Variants in CROCC2 observed in about 807,000 individuals in gnomAD.
CROCC2 encodes ciliary rootlet coiled-coil, rootletin family member 2.
In CROCC2, 163 loss-of-function variants were observed where a neutral mutation model predicts 177.6. The observed-to-expected ratio is 0.92, with a 90% CI of 0.81 to 1.05. The LOEUF is 1.05. CROCC2 is among the 50% of genes least tolerant of loss of function. The pLI is 0.00. For synonymous variants in CROCC2, 904 were observed against 787.3 expected, an observed-to-expected ratio of 1.15 and a Z score of -2.48; for missense variants, 1,929 against 1,797.8, an observed-to-expected ratio of 1.07 and a Z score of -1.32.
chr2:240,943,842 C>G (rs542313197), intron 14 of CROCC2, among the ~76,000 whole-genome samples: 9 of 152,208 alleles, frequency 5.9e-5, no homozygotes, highest in Non-Finnish European at 1.0e-4. Flanking sequence ...TGGCAGATAC[C>G]TCAAAGGGGA....
intron 19 of CROCC2, among the ~76,000 whole-genome samples, chr2:240,956,718 G>A (rs6757227): frequency 6.6e-6 from 1 of 150,430 alleles, no homozygotes; most frequent in Non-Finnish European, 1.5e-5. Context: ...TGGGGAGCAG[G>A]GGAGGAGGAC....
In CROCC2 at chr2:240,932,858, G is replaced by A. The variant is rs922598829; in HGVS notation, c.1201G>A (p.Ala401Thr). 258 of 1,546,312 alleles carry A rather than the reference G, an allele frequency of 1.7e-4. No individual in the cohort carries two copies. The highest frequency in any genetic ancestry group is 2.0e-4 in the Non-Finnish European group (224 of 1,145,386). Residue 401 changes from alanine (A) to threonine (T), a missense_variant, in exon 9 of 32, where the codon GCA (alanine) becomes ACA (threonine). Transcript: ENST00000690015. ...CTGCTCCCCAGCCACCCTGGACCCC[G>A]CACTGCAGGCCATGCGGGCAGCCAT... ...HICSPATLDP[A>T]LQAMRAAIER...
At chr2:240,940,898 A>T (rs77591276) in intron 14 of CROCC2, among the ~76,000 whole-genome samples, 5,595 of 152,250 alleles carry the variant, frequency 0.037, 331 homozygotes, top group African/African-American at 0.13. Flanking sequence ...GTAAAGAGGA[A>T]GTCAAACTCT....
chr2:240,932,526 TGGGGTCCCTGCAG>T, intron 8 of CROCC2, 112 bp downstream of exon 8: 1 of 699,946 alleles, frequency 1.4e-6, no homozygotes, highest in South Asian at 1.5e-5. Flanking sequence ...CAGGGCAAGG[TGGGGTCCCTGCAG>T]TGCACTTTGA....
chr2:240,951,241 A>G (rs754519344), intron 18 of CROCC2, among the ~76,000 whole-genome samples: 27 of 150,122 alleles, frequency 1.8e-4, no homozygotes, highest in Non-Finnish European at 3.1e-4. Context: ...CCATCCATCC[A>G]TCTGTCCATC....
intron 1 of CROCC2, among the ~76,000 whole-genome samples, chr2:240,909,392 T>C (rs539894008): frequency 2.1e-4 from 32 of 152,350 alleles, no homozygotes; most frequent in Admixed American, 1.9e-3. Context: ...CTCCTCCACC[T>C]GGAGCTCGGC....
rs547749385 is a variant in CROCC2, at chr2:240,993,309, G to C, written c.*228G>C. The C allele has an allele frequency of 7.7e-6, 4 of 522,442 alleles. No individual in the cohort carries two copies. Among genetic ancestry groups the C allele is most frequent in the Non-Finnish European group, 1.4e-5 (4 of 291,394 alleles). 32.4% of individuals were successfully genotyped at this position (522,442 alleles called of 1,614,324 possible). The stretch of plus-strand genomic sequence containing the variant: ...AATTTTAATAAATAGTTGAATCAGC[G>C]TAGGAGATGCTATTTTAACTTATTC... On this transcript the variant is annotated 3_prime_UTR_variant, in exon 32 of 32. Transcript: ENST00000690015.
intron 5 of CROCC2, among the ~76,000 whole-genome samples, chr2:240,929,887 G>A (rs1011966183): frequency 6.6e-6 from 1 of 152,184 alleles, no homozygotes; most frequent in Admixed American, 6.5e-5. Flanking sequence ...CTCTTCAGGG[G>A]CCCACGCACC....
intron 26 of CROCC2, among the ~76,000 whole-genome samples, chr2:240,967,810 C>T (rs1471944873): frequency 3.9e-5 from 6 of 152,148 alleles, no homozygotes; most frequent in Non-Finnish European, 5.9e-5. Flanking sequence ...GGCACCCTCT[C>T]CCCCAGACAG....
chr2:240,986,206 C>T (rs1031042547), intron 28 of CROCC2: 1 of 310,924 alleles, frequency 3.2e-6, no homozygotes, highest in Admixed American at 4.4e-5. Context: ...CTCCCACCCA[C>T]CCTGTGGGTC....
intron 28 of CROCC2, chr2:240,983,377 A>T (rs1284788503): frequency 1.2e-5 from 15 of 1,292,396 alleles, no homozygotes; most frequent in Non-Finnish European, 1.5e-5. Context: ...CGCTCTCAGA[A>T]ACTCGGGCCC....
chr2:240,988,599 C>A (rs371434558), intron 28 of CROCC2, 140 bp from the exon 29 acceptor site: 3 of 851,718 alleles, frequency 3.5e-6, no homozygotes, highest in East Asian at 6.6e-5. Context: ...TGGCCCAGGG[C>A]AGTGCCCTTC....
intron 24 of CROCC2, 26 bp from the exon 25 acceptor site, chr2:240,966,199 G>C: frequency 9.0e-6 from 10 of 1,105,984 alleles, no homozygotes; most frequent in Non-Finnish European, 1.1e-5. Flanking sequence ...TCCTGTCCAC[G>C]ACCCCTCCGC....
In CROCC2 at chr2:240,993,134, C is replaced by T. The variant is rs1438505827; in HGVS notation, c.*53C>T. Reference sequence around the variant, plus strand: ...CGTGGCTGCAGAGGAAGGGAACGCACCGCAGGTGGGAGGGGCCCAGCTGAT... The same window carrying T: ...CGTGGCTGCAGAGGAAGGGAACGCATCGCAGGTGGGAGGGGCCCAGCTGAT... On this transcript the variant is annotated 3_prime_UTR_variant, in exon 32 of 32. Transcript: ENST00000690015. 5.6e-6 allele frequency: 4 copies of T among 712,590 alleles called. No homozygotes were observed. The highest frequency in any genetic ancestry group is 1.0e-5 in the Non-Finnish European group (4 of 382,190). 44.1% of individuals were successfully genotyped at this position (712,590 alleles called of 1,614,324 possible).
chr2:240,951,661 T>C (rs2059557520), intron 18 of CROCC2, among the ~76,000 whole-genome samples: 1 of 151,396 alleles, frequency 6.6e-6, no homozygotes, highest in South Asian at 2.1e-4. Context: ...TCCACACAGC[T>C]ATCCACAACC....
chr2:240,947,437 TGCACATG>T (rs1187148528), intron 15 of CROCC2, among the ~76,000 whole-genome samples: 1 of 152,104 alleles, frequency 6.6e-6, no homozygotes, highest in Non-Finnish European at 1.5e-5. Context: ...CCGAGGTCCC[TGCACATG>T]GCAGCCCTGC....
rs1363608929 is a variant in CROCC2, at chr2:240,933,349, G to T, written c.1463+7G>T. On this transcript the variant is annotated splice_region_variant and intron_variant, in intron 10 of 31. Coordinates refer to ENST00000690015, the MANE Select transcript of CROCC2 (RefSeq NM_001351305.2). ...CCTGCAAGCTCCTGGGGAGGTAATG[G>T]GGTGAAGGGGTTGCACGGCCTTGCA... The T allele has an allele frequency of 6.6e-7, 1 of 1,504,514 alleles. No individual in the cohort carries two copies. Among genetic ancestry groups the T allele is most frequent in the Non-Finnish European group, 8.9e-7 (1 of 1,129,748 alleles). 93.2% of individuals were successfully genotyped at this position (1,504,514 alleles called of 1,614,324 possible). A position where few individuals can be genotyped will look rare whatever the true frequency, so the allele number is the denominator to read the frequency against.
rs75079847 is a variant in CROCC2, at chr2:240,935,922, C to A, written c.2169+334C>A. ...CTTGTTTCTCCCTGGTCCACATCCA[C>A]ACAGCTGAACTCTGCGACTGCACAT... On this transcript the variant is annotated intron_variant, in intron 14 of 31. Coordinates refer to ENST00000690015, the MANE Select transcript of CROCC2 (RefSeq NM_001351305.2). 3.7e-3 allele frequency among the ~76,000 whole-genome samples: 561 copies of A among 152,366 alleles called. 7 individuals are homozygous for A. The highest frequency in any genetic ancestry group is 0.012 in the African/African-American group (517 of 41,576).
chr2:240,970,350 A>C (rs1214038733), intron 27 of CROCC2, among the ~76,000 whole-genome samples: 1 of 151,632 alleles, frequency 6.6e-6, no homozygotes, highest in Non-Finnish European at 1.5e-5. Flanking sequence ...TTTCAATCTC[A>C]CCTTAGAGTC....
Sources: allele counts gnomAD v4.1 joint callset (sites outside exome capture counted in the v4.1 genomes callset), GRCh38; gene constraint gnomAD v4.1.1; transcripts MANE v1.5; gene names NCBI Gene and HGNC (gene_info 2026-07-23, HGNC 2026-07-21).